CNBD1: variants seen among roughly 807,000 people sequenced by gnomAD.
CNBD1 encodes cyclic nucleotide-binding domain-containing protein 1.
In CNBD1, 71 loss-of-function variants were observed where a neutral mutation model predicts 54.4. That is an observed-to-expected ratio of 1.30 (90% CI 1.08 to 1.59). The LOEUF (loss-of-function observed/expected upper bound fraction) is 1.59. Ranked by LOEUF, CNBD1 falls within the 40% of genes most tolerant of loss-of-function variation. The pLI is 0.00. For missense variants in CNBD1, 659 were observed against 518.0 expected (o/e 1.27, Z -2.64); for synonymous variants, 182 against 170.7 (o/e 1.07, Z -0.51).
intron 8 of CNBD1, among the ~76,000 whole-genome samples, chr8:87,298,926 A>G (rs1283140386): frequency 6.6e-6 from 1 of 152,200 alleles, no homozygotes; most frequent in African/African-American, 2.4e-5. Context: ...CCTCTATCAG[A>G]AAAGTATATT....
chr8:87,303,353 C>G (rs899792484), intron 8 of CNBD1, among the ~76,000 whole-genome samples: 10 of 151,974 alleles, frequency 6.6e-5, no homozygotes, highest in African/African-American at 2.4e-4. Flanking sequence ...AACATCTGAT[C>G]TTTGACAAAT....
At chr8:87,109,631 T>C (rs1811617001) in intron 4 of CNBD1, among the ~76,000 whole-genome samples, 1 of 150,724 alleles carries the variant, frequency 6.6e-6, no homozygotes, top group East Asian at 2.0e-4. Context: ...CTCCGCCTCC[T>C]GGGTTCACGC....
At chr8:87,272,786 A>G (rs1047882953) in intron 6 of CNBD1, among the ~76,000 whole-genome samples, 5 of 152,000 alleles carry the variant, frequency 3.3e-5, no homozygotes, top group Non-Finnish European at 4.4e-5. Context: ...ATGCATTTAA[A>G]TGTACACTCC....
chr8:86,954,138 T>C (rs565302511), intron 4 of CNBD1, among the ~76,000 whole-genome samples: 1 of 152,232 alleles, frequency 6.6e-6, no homozygotes, highest in South Asian at 2.1e-4. Flanking sequence ...CTTTTGTCAG[T>C]ATTTTATTCA....
At chr8:87,144,681 C>T (rs982095163) in intron 4 of CNBD1, among the ~76,000 whole-genome samples, 2 of 151,994 alleles carry the variant, frequency 1.3e-5, no homozygotes, top group African/African-American at 4.8e-5. Flanking sequence ...ATTAGACAGG[C>T]ATGATGGCAT....
intron 10 of CNBD1, among the ~76,000 whole-genome samples, chr8:87,373,984 C>T (rs138362892): frequency 1.3e-4 from 19 of 151,826 alleles, no homozygotes; most frequent in Non-Finnish European, 2.4e-4. Flanking sequence ...CTGATGAATT[C>T]AGTGTTACAG....
chr8:86,976,822 T>G (rs1227007242), intron 4 of CNBD1, among the ~76,000 whole-genome samples: 1 of 152,008 alleles, frequency 6.6e-6, no homozygotes, highest in Non-Finnish European at 1.5e-5. Flanking sequence ...CTTAAGTTCT[T>G]TTATAAATAG....
intron 8 of CNBD1, among the ~76,000 whole-genome samples, chr8:87,328,595 G>A (rs1011963839): frequency 1.3e-5 from 2 of 151,778 alleles, no homozygotes; most frequent in East Asian, 3.9e-4. Context: ...GGAGTCCTTT[G>A]TGATTCCATA....
chr8:86,942,609 T>C (rs1807358349), intron 4 of CNBD1, among the ~76,000 whole-genome samples: 1 of 152,216 alleles, frequency 6.6e-6, no homozygotes, highest in African/African-American at 2.4e-5. Flanking sequence ...AAAGCTTAAA[T>C]TTTCAAAGCT....
intron 8 of CNBD1, among the ~76,000 whole-genome samples, chr8:87,349,383 A>G (rs1810236420): frequency 1.3e-5 from 2 of 152,064 alleles, no homozygotes; most frequent in Non-Finnish European, 2.9e-5. Flanking sequence ...GTGAAGATAC[A>G]ATTTTTTTTT....
At chr8:87,096,824 T>G (rs1811329924) in intron 4 of CNBD1, among the ~76,000 whole-genome samples, 1 of 151,722 alleles carries the variant, frequency 6.6e-6, no homozygotes, top group Non-Finnish European at 1.5e-5. Context: ...TTTTACCTTT[T>G]CCTCTCCACA....
intron 4 of CNBD1, among the ~76,000 whole-genome samples, chr8:87,115,570 C>T (rs1184510881): frequency 6.6e-6 from 1 of 152,068 alleles, no homozygotes; most frequent in African/African-American, 2.4e-5. Flanking sequence ...TATAGCTGGA[C>T]ACATTTATGG....
At chr8:87,227,825 C>T (rs1814541284) in intron 5 of CNBD1, among the ~76,000 whole-genome samples, 2 of 148,986 alleles carry the variant, frequency 1.3e-5, no homozygotes, top group Non-Finnish European at 3.0e-5. Flanking sequence ...GGATAATATC[C>T]TGCAGAGTGT....
intron 5 of CNBD1, among the ~76,000 whole-genome samples, chr8:87,212,364 T>C (rs1692641337): frequency 6.6e-6 from 1 of 152,144 alleles, no homozygotes. Context: ...AAATTGATCC[T>C]AAAATTCATA....
chr8:86,909,524 G>A (rs1338544475), intron 3 of CNBD1, among the ~76,000 whole-genome samples: 1 of 151,886 alleles, frequency 6.6e-6, no homozygotes, highest in Non-Finnish European at 1.5e-5. Context: ...AAACATTGCA[G>A]TGTGGTTTTT....
intron 4 of CNBD1, among the ~76,000 whole-genome samples, chr8:87,110,292 A>T (rs1461658923): frequency 6.6e-6 from 1 of 152,166 alleles, no homozygotes; most frequent in East Asian, 1.9e-4. Flanking sequence ...TCCACACTGA[A>T]TTATACATAA....
intron 8 of CNBD1, among the ~76,000 whole-genome samples, chr8:87,348,500 G>T (rs1381952250): frequency 6.6e-6 from 1 of 152,022 alleles, no homozygotes. Flanking sequence ...ACATTAATTG[G>T]TACTATTACT....
chr8:86,952,009 C>G (rs1586157810), intron 4 of CNBD1, among the ~76,000 whole-genome samples: 1 of 152,154 alleles, frequency 6.6e-6, no homozygotes. Flanking sequence ...CCTTTGCTCA[C>G]TGAGATAAAT....
intron 4 of CNBD1, among the ~76,000 whole-genome samples, chr8:87,065,809 A>G (rs1810636551): frequency 6.6e-6 from 1 of 151,972 alleles, no homozygotes; most frequent in Non-Finnish European, 1.5e-5. Context: ...GGACTTGCTC[A>G]AAGACACACA....
Sources: gnomAD v4.1 joint callset for allele counts (sites outside exome capture counted in the v4.1 genomes callset) on GRCh38, gnomAD v4.1.1 for gene constraint, MANE v1.5 for transcripts, NCBI Gene and HGNC (gene_info 2026-07-23, HGNC 2026-07-21) for gene names.